PRICKLE2: variants seen among roughly 807,000 people sequenced by gnomAD.
PRICKLE2 encodes prickle-like protein 2.
Under a neutral mutation model 81.4 loss-of-function variants are expected in PRICKLE2, and 21 were observed. That is an observed-to-expected ratio of 0.26 (90% CI 0.18 to 0.37). The LOEUF (loss-of-function observed/expected upper bound fraction) is 0.37. PRICKLE2 is among the 10% of genes least tolerant of loss of function. The pLI is 1.00. For synonymous variants in PRICKLE2, 456 were observed against 421.5 expected, an observed-to-expected ratio of 1.08 and a Z score of -1.00; for missense variants, 940 against 1,109.0, an observed-to-expected ratio of 0.85 and a Z score of 2.16.
At position 64,095,171 on chromosome 3, in the gene PRICKLE2, A is replaced by G. The variant is rs1458541652; in HGVS notation, c.*3880T>C. On this transcript the variant is annotated 3_prime_UTR_variant, in exon 8 of 8. Coordinates refer to ENST00000638394, the MANE Select transcript of PRICKLE2 (RefSeq NM_198859.4). ...AGACTGCCTATAGTAATTGGCAGAG[A>G]ACATGAAAATGGCCAAGGAGGTAAA... is the stretch of plus-strand genomic sequence containing the variant. 1 of 152,260 alleles carries G rather than the reference A, an allele frequency of 6.6e-6. No individual in the cohort carries two copies. Among genetic ancestry groups the G allele is most frequent in the African/African-American group, 2.4e-5 (1 of 41,432 alleles). 9.4% of individuals were successfully genotyped at this position (152,260 alleles called of 1,614,324 possible). A position where few individuals can be genotyped will look rare whatever the true frequency, so the allele number is the denominator to read the frequency against.
At chr3:64,101,617 T>C (rs1157182561) in intron 7 of PRICKLE2, 2 of 152,188 alleles carry the variant, frequency 1.3e-5, no homozygotes, top group Non-Finnish European at 2.9e-5. Flanking sequence ...TCCATGCTGA[T>C]AGCAGATAAA....
At chr3:64,231,549 G>T (rs1002444767) in intron 2 of PRICKLE2, among the ~76,000 whole-genome samples, 1 of 152,048 alleles carries the variant, frequency 6.6e-6, no homozygotes, top group Non-Finnish European at 1.5e-5. Context: ...GTTCCTACAC[G>T]TTTCTCTTGG....
At chr3:64,239,907 G>A (rs1309852306) in intron 2 of PRICKLE2, among the ~76,000 whole-genome samples, 2 of 138,234 alleles carry the variant, frequency 1.4e-5, no homozygotes, top group African/African-American at 5.6e-5. Context: ...TTGAGCCCAG[G>A]AGTTTGAGAC....
chr3:64,110,831 T>G (rs153713), intron 7 of PRICKLE2, among the ~76,000 whole-genome samples: 151,721 of 152,072 alleles, frequency 1, 75,686 homozygotes, highest in Middle Eastern at 1. Context: ...TTCTTCCTAG[T>G]CCACTCTGGG....
At position 64,147,485 on chromosome 3, in the gene PRICKLE2, C is replaced by T. The variant is rs1378602921; in HGVS notation, c.1005G>A (p.Arg335=). The T allele has an allele frequency of 6.2e-7, 1 of 1,614,250 alleles. No homozygotes were observed. Among genetic ancestry groups the T allele is most frequent in the South Asian group, 1.1e-5 (1 of 91,090 alleles). ...AFQNARAKES[R]RSAKIGKNKG... is the part of the protein sequence containing the mutation. ...TGTTCTTGCCAATTTTGGCACTGCGCCGGGACTCCTTGGCCCTGGCGTTCT... is the reference window on the plus strand; with the variant it reads ...TGTTCTTGCCAATTTTGGCACTGCGTCGGGACTCCTTGGCCCTGGCGTTCT... Residue 335 remains arginine, a synonymous_variant, in exon 7 of 8, where the codon CGG becomes CGA. Coordinates refer to ENST00000638394, the MANE Select transcript of PRICKLE2 (RefSeq NM_198859.4). This position sits in a 1 kb window ranked among gnomAD's most constrained non-coding sequence, Gnocchi z 5.0.
rs770462303 is a variant in PRICKLE2 at position 64,147,168 on chromosome 3, A to T, written c.1322T>A (p.Met441Lys). The T allele has an allele frequency of 6.2e-7, 1 of 1,613,976 alleles. No individual in the cohort carries two copies. Among genetic ancestry groups the T allele is most frequent in the Admixed American group, 1.7e-5 (1 of 60,012 alleles). The change falls in exon 7 of 8, where the codon ATG (methionine) becomes AAG (lysine). Residue 441 changes from methionine (M) to lysine (K), a missense_variant. Met to Lys is a moderately conservative substitution (Grantham distance 95, BLOSUM62 -1). Transcript: ENST00000638394. This position sits in a 1 kb window ranked among gnomAD's most constrained non-coding sequence, Gnocchi z 5.0. ...GGQGAGAQPE[M>K]WGKHFSNPKR... Reference sequence around the variant, plus strand: ...GGGGTTGCTGAAGTGCTTGCCCCACATTTCGGGCTGGGCCCCAGCCCCTTG... The same window carrying T: ...GGGGTTGCTGAAGTGCTTGCCCCACTTTTCGGGCTGGGCCCCAGCCCCTTG...
intron 7 of PRICKLE2, among the ~76,000 whole-genome samples, chr3:64,137,033 G>C (rs1343669486): frequency 6.6e-6 from 1 of 152,198 alleles, no homozygotes; most frequent in Non-Finnish European, 1.5e-5. Flanking sequence ...AACCAAGTTA[G>C]AGAAAAATAG....
At chr3:64,267,911 T>G (rs910662798) in intron 2 of PRICKLE2, 1 of 152,238 alleles carries the variant, frequency 6.6e-6, no homozygotes, top group Non-Finnish European at 1.5e-5. Flanking sequence ...GGCTTAGCCT[T>G]GCATTGCTCC....
chr3:64,220,863 C>T (rs1256264659), intron 1 of PRICKLE2, among the ~76,000 whole-genome samples: 1 of 152,120 alleles, frequency 6.6e-6, no homozygotes, highest in Non-Finnish European at 1.5e-5. Flanking sequence ...CTAAAGTTTA[C>T]CCCCTACACC....
chr3:64,147,034 T>C lies in PRICKLE2; in HGVS notation c.1456A>G (p.Met486Val), dbSNP rs757567028. The C allele has an allele frequency of 1.2e-6, 2 of 1,614,110 alleles. No individual in the cohort carries two copies. Among genetic ancestry groups the C allele is most frequent in the East Asian group, 2.2e-5 (1 of 44,860 alleles). ...RLRSQESYSD[M>V]SSQSFSETRG... ...GTCTCACTGAAACTCTGACTAGACA[T>C]ATCACTGTAGCTCTCCTGAGATCTC... is the stretch of plus-strand genomic sequence containing the variant. The change falls in exon 7 of 8, where the codon ATG (methionine) becomes GTG (valine). Residue 486 changes from methionine to valine, a missense_variant. Around this residue, in one of 2 missense-constraint regions of PRICKLE2, gnomAD observed 670 missense variants for 717.2 expected, o/e 0.93. Coordinates refer to ENST00000638394, the MANE Select transcript of PRICKLE2 (RefSeq NM_198859.4). The surrounding 1 kb of genome is among the most constrained non-coding windows in gnomAD (Gnocchi z 5.0).
chr3:64,257,346 C>T (rs2079541127), intron 2 of PRICKLE2, among the ~76,000 whole-genome samples: 2 of 152,198 alleles, frequency 1.3e-5, no homozygotes, highest in South Asian at 4.1e-4. Context: ...ATCTGTAAGA[C>T]AGTCTGGGCT....
Position 64,153,140 on chromosome 3 carries a change from G to T in PRICKLE2, c.787+42C>A, listed in dbSNP as rs776117158. On this transcript the variant is annotated intron_variant, in intron 6 of 7. Coordinates refer to ENST00000638394, the MANE Select transcript of PRICKLE2 (RefSeq NM_198859.4). ...AACTACACCCAAAACAAAGGTGACC[G>T]CATCACAGAAGGACCAAGCTGACTG... The T allele has an allele frequency of 3.8e-6, 6 of 1,563,794 alleles. No homozygotes were observed. The East Asian group carries it at 9.0e-5, about 23-fold the overall frequency.
chr3:64,168,541 C>A (rs938816829), intron 2 of PRICKLE2, among the ~76,000 whole-genome samples: 1 of 152,164 alleles, frequency 6.6e-6, no homozygotes, highest in African/African-American at 2.4e-5. Flanking sequence ...TACTGAGTGA[C>A]CCTACGGCTT....
intron 2 of PRICKLE2, among the ~76,000 whole-genome samples, chr3:64,261,623 G>A (rs1247145048): frequency 6.6e-6 from 1 of 152,068 alleles, no homozygotes; most frequent in Non-Finnish European, 1.5e-5. Flanking sequence ...TCTCAATGGT[G>A]AGAAGCTCCT....
rs1336910902 is a variant in PRICKLE2 at position 64,099,370 on chromosome 3, C to T, written c.2216G>A (p.Gly739Glu). The part of the protein sequence containing the change: ...QRSFQESMGH[G>E]SRRDLYGQCP... ...CTGGCCGTACAGGTCCCTCCGGGAC[C>T]CATGCCCCATGCTCTCCTGGAAGCT... Residue 739 changes from glycine (G) to glutamate (E), a missense_variant, in exon 8 of 8, where the codon GGG becomes GAG. Around this residue, in one of 2 missense-constraint regions of PRICKLE2, gnomAD observed 670 missense variants for 717.2 expected, o/e 0.93. Coordinates refer to ENST00000638394, the MANE Select transcript of PRICKLE2 (RefSeq NM_198859.4). This position sits in a 1 kb window ranked among gnomAD's most constrained non-coding sequence, Gnocchi z 4.3. 1 of 1,610,668 alleles carries T rather than the reference C, an allele frequency of 6.2e-7. No individual in the cohort carries two copies. Among genetic ancestry groups the T allele is most frequent in the Admixed American group, 1.7e-5 (1 of 59,880 alleles).
At chr3:64,205,199 G>C (rs1302388125) in intron 1 of PRICKLE2, among the ~76,000 whole-genome samples, 1 of 151,606 alleles carries the variant, frequency 6.6e-6, no homozygotes, top group Non-Finnish European at 1.5e-5. Flanking sequence ...ACAGGTTTCT[G>C]AGGAATAAGG....
At chr3:64,201,415 GTCT>G (rs562451942) in intron 1 of PRICKLE2, among the ~76,000 whole-genome samples, 188 of 152,204 alleles carry the variant, frequency 1.2e-3, no homozygotes, top group Non-Finnish European at 2.3e-3. Flanking sequence ...GTTATTGTCT[GTCT>G]TCTTTTATTG....
In PRICKLE2 at chr3:64,144,880, A is replaced by G. The variant is rs191297865; in HGVS notation, c.1660+1950T>C. ...GATGGCACCGCAACATCGAACTGCTATAAGTTTCTAACACTTCCAGTTTCA... is the reference window on the plus strand; with the variant it reads ...GATGGCACCGCAACATCGAACTGCTGTAAGTTTCTAACACTTCCAGTTTCA... On this transcript the variant is annotated intron_variant, in intron 7 of 7. Transcript: ENST00000638394. 3.4e-3 allele frequency among the ~76,000 whole-genome samples: 512 copies of G among 152,302 alleles called. 1 individual carries two copies. Among genetic ancestry groups the G allele is most frequent in the Non-Finnish European group, 5.8e-3 (395 of 68,026 alleles).
In PRICKLE2 at chr3:64,092,505, GAATA is replaced by G. The variant is rs2076522217; in HGVS notation, c.*6542_*6545del. ...TTTGATAAATATTTGTTGAATGAATGAATAGATGATATTATAGCATCCAGCAAGT... is the reference window on the plus strand; with the variant it reads ...TTTGATAAATATTTGTTGAATGAATGGATGATATTATAGCATCCAGCAAGT... On this transcript the variant is annotated 3_prime_UTR_variant, in exon 8 of 8. Transcript: ENST00000638394. 1 of 152,228 alleles carries G rather than the reference GAATA, an allele frequency of 6.6e-6. No homozygotes were observed. Among genetic ancestry groups the G allele is most frequent in the South Asian group, 2.1e-4 (1 of 4,834 alleles). 9.4% of individuals were successfully genotyped at this position (152,228 alleles called of 1,614,324 possible).
Sources: gnomAD v4.1 joint callset for allele counts (sites outside exome capture counted in the v4.1 genomes callset) on GRCh38, gnomAD v4.1.1 for gene constraint, gnomAD v4.1.1 regional missense constraint, Gnocchi (gnomAD v3.1) non-coding constraint, MANE v1.5 for transcripts, NCBI Gene and HGNC (gene_info 2026-07-23, HGNC 2026-07-21) for gene names.